FMNL2: variants seen among roughly 807,000 people sequenced by gnomAD.
FMNL2 encodes the protein formin like 2, also known as formin-like protein 2.
FMNL2 carries 51 observed loss-of-function variants against 130.2 expected under a neutral mutation model. The observed-to-expected ratio is 0.39, with a 90% CI of 0.31 to 0.49. FMNL2 has a LOEUF of 0.49. Ranked by LOEUF, FMNL2 falls within the 20% of genes least tolerant of loss-of-function variation. The probability of loss-of-function intolerance (pLI) is 0.85; values close to 1 mark genes in which losing one functional copy is unlikely to be tolerated. For missense variants in FMNL2, 977 were observed against 1,316.2 expected (o/e 0.74, Z 3.99); for synonymous variants, 465 against 467.1 (o/e 1.00, Z 0.06).
rs756961019 is a variant in FMNL2, at chr2:152,625,474, G to C, written c.1874G>C (p.Arg625Thr). 6.2e-7 allele frequency: 1 copy of C among 1,611,530 alleles called. No individual in the cohort carries two copies. The highest frequency in any genetic ancestry group is 1.1e-5 in the South Asian group (1 of 90,996). The change falls in exon 16 of 26, where the codon AGA (arginine) becomes ACA (threonine). Residue 625 changes from arginine to threonine, a missense_variant. By Grantham distance (71) the Arg-to-Thr change is moderately conservative. Transcript: ENST00000288670. ...AAGAAGCCAATCAAGACGAAGTTCA[G>C]AATGCCAGTGTTTAACTGGGTTGCT... ...KIKKPIKTKF[R>T]MPVFNWVALK...
At chr2:152,599,916 C>G (rs764936999) in intron 9 of FMNL2, among the ~76,000 whole-genome samples, 10 of 152,192 alleles carry the variant, frequency 6.6e-5, no homozygotes, top group Admixed American at 1.3e-4. Context: ...TGATCTGCTT[C>G]TGTCATGGCT....
At chr2:152,544,019 C>T (rs1694478388) in intron 3 of FMNL2, among the ~76,000 whole-genome samples, 1 of 152,156 alleles carries the variant, frequency 6.6e-6, no homozygotes, top group Admixed American at 6.5e-5. Context: ...GGTCTTACAC[C>T]TGCAAATGAG....
chr2:152,529,668 A>G (rs1304573068), intron 2 of FMNL2, among the ~76,000 whole-genome samples: 1 of 152,198 alleles, frequency 6.6e-6, no homozygotes, highest in Non-Finnish European at 1.5e-5. Context: ...CTAGAAGTGA[A>G]TTTACATTAC....
intron 21 of FMNL2, among the ~76,000 whole-genome samples, chr2:152,633,378 G>C (rs748401283): frequency 6.6e-6 from 1 of 152,154 alleles, no homozygotes; most frequent in East Asian, 1.9e-4. Flanking sequence ...GTACAGGTGT[G>C]AGTTACCATG....
chr2:152,527,248 G>A (rs1303564770), intron 2 of FMNL2, among the ~76,000 whole-genome samples: 2 of 152,126 alleles, frequency 1.3e-5, no homozygotes, highest in Non-Finnish European at 2.9e-5. Flanking sequence ...GAAAAATAAT[G>A]TCTGGTTGTC....
chr2:152,357,695 G>A (rs1682915116), intron 1 of FMNL2, among the ~76,000 whole-genome samples: 1 of 148,732 alleles, frequency 6.7e-6, no homozygotes, highest in Non-Finnish European at 1.5e-5. Flanking sequence ...TATTAAATCA[G>A]TTTAATATAT....
chr2:152,617,090 G>A lies in FMNL2; in HGVS notation c.1213-1G>A. 1 of 1,613,678 alleles carries A rather than the reference G, an allele frequency of 6.2e-7. No homozygotes were observed. On this transcript the variant is annotated splice_acceptor_variant, in intron 12 of 25. Coordinates refer to ENST00000288670, the MANE Select transcript of FMNL2 (RefSeq NM_052905.4). LOFTEE classifies it high-confidence loss of function. Reference sequence around the variant, plus strand: ...ACAGCTTTCTTTTCAAAATTTTACAGTTATCTGAAAAACTGCAAGACACAG... The same window carrying A: ...ACAGCTTTCTTTTCAAAATTTTACAATTATCTGAAAAACTGCAAGACACAG...
intron 6 of FMNL2, among the ~76,000 whole-genome samples, chr2:152,571,394 T>C (rs1417610709): frequency 6.6e-6 from 1 of 152,176 alleles, no homozygotes. Context: ...TGGGAGTCCA[T>C]GGAGAAACTG....
intron 1 of FMNL2, among the ~76,000 whole-genome samples, chr2:152,444,099 G>A (rs1276744569): frequency 6.6e-6 from 1 of 152,184 alleles, no homozygotes; most frequent in Non-Finnish European, 1.5e-5. Context: ...GGAGGGTCAG[G>A]ACAGAAACTG....
At chr2:152,571,086 G>A (rs1192106517) in intron 6 of FMNL2, among the ~76,000 whole-genome samples, 3 of 152,106 alleles carry the variant, frequency 2.0e-5, no homozygotes, top group Non-Finnish European at 2.9e-5. Flanking sequence ...ACCAGTAGCT[G>A]CAATCACAGT....
intron 1 of FMNL2, among the ~76,000 whole-genome samples, chr2:152,487,651 G>GA (rs1690906459): frequency 6.6e-6 from 1 of 152,114 alleles, no homozygotes; most frequent in Non-Finnish European, 1.5e-5. Flanking sequence ...AAATGTATGT[G>GA]AAAAAACCTG....
chr2:152,430,873 G>A lies in FMNL2; in HGVS notation c.118-91070G>A, dbSNP rs542711175. ...GGGTGACAGAGTGAGACTTGGTCTC[G>A]AAAATATATATATATATATGTTTAT... On this transcript the variant is annotated intron_variant, in intron 1 of 25. Coordinates refer to ENST00000288670, the MANE Select transcript of FMNL2 (RefSeq NM_052905.4). 6.7e-5 allele frequency among the ~76,000 whole-genome samples: 10 copies of A among 149,166 alleles called. No individual in the cohort carries two copies. In the East Asian group the frequency reaches 7.8e-4, roughly 12 times the overall value.
At chr2:152,336,104 AAAC>A (rs1215031118) in intron 1 of FMNL2, among the ~76,000 whole-genome samples, 2 of 150,584 alleles carry the variant, frequency 1.3e-5, no homozygotes, top group Non-Finnish European at 3.0e-5. Context: ...AAACAAAACA[AAAC>A]AAAACAAAAC....
At chr2:152,570,859 A>AG (rs35519212) in intron 6 of FMNL2, among the ~76,000 whole-genome samples, 122,870 of 152,116 alleles carry the variant, frequency 0.81, 49,885 homozygotes, top group East Asian at 0.94. Context: ...GGTTGAATTA[A>AG]GCCCTCTGAA....
chr2:152,537,164 TG>T (rs1694036362), intron 2 of FMNL2, among the ~76,000 whole-genome samples: 1 of 152,198 alleles, frequency 6.6e-6, no homozygotes, highest in African/African-American at 2.4e-5. Flanking sequence ...AAGGCTATGT[TG>T]TAGCATAGCT....
chr2:152,541,562 C>T (rs895727109), intron 2 of FMNL2, among the ~76,000 whole-genome samples: 1 of 152,096 alleles, frequency 6.6e-6, no homozygotes, highest in Non-Finnish European at 1.5e-5. Context: ...TAGGAATGTG[C>T]CATATTTCCC....
At chr2:152,605,783 G>C (rs958092797) in intron 9 of FMNL2, among the ~76,000 whole-genome samples, 1 of 152,206 alleles carries the variant, frequency 6.6e-6, no homozygotes, top group Admixed American at 6.5e-5. Flanking sequence ...ACTGCTTTGA[G>C]ACTAGGAGGC....
chr2:152,540,429 G>A (rs1246782749), intron 2 of FMNL2, among the ~76,000 whole-genome samples: 3 of 152,050 alleles, frequency 2.0e-5, no homozygotes, highest in Admixed American at 6.5e-5. Flanking sequence ...ACATTTGAAG[G>A]AATAATTAGA....
intron 1 of FMNL2, among the ~76,000 whole-genome samples, chr2:152,479,775 A>G (rs1429360257): frequency 7.7e-6 from 1 of 129,170 alleles, no homozygotes; most frequent in Non-Finnish European, 1.5e-5. Context: ...CAGTGTCGCG[A>G]TCTCGGCTCA....
Sources: allele counts gnomAD v4.1 joint callset (sites outside exome capture counted in the v4.1 genomes callset), GRCh38; gene constraint gnomAD v4.1.1; transcripts MANE v1.5; gene names NCBI Gene and HGNC (gene_info 2026-07-23, HGNC 2026-07-21).